PRKAG2: variants seen among roughly 807,000 people sequenced by gnomAD.
PRKAG2 encodes the protein protein kinase AMP-activated non-catalytic subunit gamma 2.
In PRKAG2, 26 loss-of-function variants were observed where a neutral mutation model predicts 69.6. That is an observed-to-expected ratio of 0.37 (90% confidence interval 0.27 to 0.52). The LOEUF is 0.52. Ranked by LOEUF, PRKAG2 falls within the 20% of genes least tolerant of loss-of-function variation. The pLI, the probability that PRKAG2 is intolerant of heterozygous loss-of-function variation, is 0.90. For missense variants in PRKAG2, 557 were observed against 740.0 expected, an observed-to-expected ratio of 0.75 and a Z score of 2.87; for synonymous variants, 293 against 285.0, an observed-to-expected ratio of 1.03 and a Z score of -0.28.
intron 1 of PRKAG2, among the ~76,000 whole-genome samples, chr7:151,805,412 C>A (rs1206692036): frequency 6.6e-6 from 1 of 152,104 alleles, no homozygotes; most frequent in Non-Finnish European, 1.5e-5. Flanking sequence ...ATAGGAGGAA[C>A]CCCCAGTGAG....
intron 3 of PRKAG2, among the ~76,000 whole-genome samples, chr7:151,772,740 C>T (rs115690059): frequency 0.014 from 2,134 of 151,956 alleles, 53 homozygotes; most frequent in African/African-American, 0.049. Context: ...AATCCCAGCA[C>T]TTTGGGAGGC....
At chr7:151,834,182 G>T (rs1359663471) in intron 1 of PRKAG2, among the ~76,000 whole-genome samples, 2 of 152,206 alleles carry the variant, frequency 1.3e-5, no homozygotes, top group African/African-American at 4.8e-5. Context: ...GAAAACTTAA[G>T]GACAAATTCA....
chr7:151,794,621 G>A (rs997269995), intron 1 of PRKAG2, among the ~76,000 whole-genome samples: 12 of 152,264 alleles, frequency 7.9e-5, no homozygotes, highest in African/African-American at 2.4e-4. Context: ...CGGCTCCCGC[G>A]GAAGCCAGGG....
chr7:151,834,743 C>A (rs763742366), intron 1 of PRKAG2, among the ~76,000 whole-genome samples: 2 of 152,186 alleles, frequency 1.3e-5, no homozygotes, highest in African/African-American at 2.4e-5. Flanking sequence ...AGGGCTACGG[C>A]GCAGTGCCGC....
At chr7:151,619,484 C>T (rs1016606474) in intron 5 of PRKAG2, among the ~76,000 whole-genome samples, 1 of 152,178 alleles carries the variant, frequency 6.6e-6, no homozygotes, top group Non-Finnish European at 1.5e-5. Flanking sequence ...AATACAGAGT[C>T]AGGAACGATG....
At chr7:151,561,934 A>G (rs1356614061) in intron 14 of PRKAG2, among the ~76,000 whole-genome samples, 1 of 128,424 alleles carries the variant, frequency 7.8e-6, no homozygotes, top group African/African-American at 2.9e-5. Flanking sequence ...CTGTGTCTTA[A>G]AAAAAAAAAA....
At chr7:151,774,150 C>G (rs1351582515) in intron 3 of PRKAG2, among the ~76,000 whole-genome samples, 1 of 152,098 alleles carries the variant, frequency 6.6e-6, no homozygotes, top group Non-Finnish European at 1.5e-5. Context: ...TCCATGGTGG[C>G]TAGGAGTATG....
At chr7:151,782,054 C>A (rs1257640320) in intron 2 of PRKAG2, among the ~76,000 whole-genome samples, 1 of 151,910 alleles carries the variant, frequency 6.6e-6, no homozygotes, top group Admixed American at 6.6e-5. Flanking sequence ...GGTGGATCAA[C>A]TGAGGTCAGG....
chr7:151,702,608 T>C (rs972191308), intron 3 of PRKAG2, among the ~76,000 whole-genome samples: 6 of 152,246 alleles, frequency 3.9e-5, no homozygotes, highest in African/African-American at 4.8e-5. Context: ...CTTTGAAGTT[T>C]CACACTCACC....
intron 4 of PRKAG2, among the ~76,000 whole-genome samples, chr7:151,647,249 G>C (rs1827724076): frequency 2.0e-5 from 3 of 152,194 alleles, no homozygotes; most frequent in Admixed American, 2.0e-4. Flanking sequence ...GCCTGCTTCT[G>C]TACCTGTATG....
chr7:151,802,810 C>G (rs566898124), intron 1 of PRKAG2, among the ~76,000 whole-genome samples: 2 of 150,880 alleles, frequency 1.3e-5, no homozygotes, highest in South Asian at 4.2e-4. Flanking sequence ...CAGCAGCCAC[C>G]TGACCTACAC....
intron 5 of PRKAG2, among the ~76,000 whole-genome samples, chr7:151,608,826 A>ATT (rs67353252): frequency 0.01 from 1,553 of 149,356 alleles, 30 homozygotes; most frequent in African/African-American, 0.032. Context: ...TTAGACATGG[A>ATT]TTTTTTTTTT....
chr7:151,749,106 C>T (rs2074496703), intron 3 of PRKAG2, among the ~76,000 whole-genome samples: 1 of 146,536 alleles, frequency 6.8e-6, no homozygotes, highest in Non-Finnish European at 1.5e-5. Context: ...GTGCTCACTG[C>T]AAAGCAGAAG....
intron 3 of PRKAG2, among the ~76,000 whole-genome samples, chr7:151,773,055 G>GA: frequency 6.1e-5 from 2 of 32,658 alleles, no homozygotes; most frequent in African/African-American, 3.0e-4. Flanking sequence ...GAGAGAGAGG[G>GA]AGGGAGGGAG....
intron 1 of PRKAG2, among the ~76,000 whole-genome samples, chr7:151,864,462 A>G (rs1227369645): frequency 6.6e-6 from 1 of 151,778 alleles, no homozygotes; most frequent in African/African-American, 2.4e-5. Flanking sequence ...CCACTTCCAC[A>G]CCTGGCAGGT....
chr7:151,736,314 C>A, intron 3 of PRKAG2: 2 of 1,181,204 alleles, frequency 1.7e-6, no homozygotes, highest in African/African-American at 1.5e-5. Flanking sequence ...CTGCCGGAAG[C>A]GCAAACAGAA....
intron 3 of PRKAG2, among the ~76,000 whole-genome samples, chr7:151,741,188 G>A (rs1433685410): frequency 6.6e-6 from 1 of 151,794 alleles, no homozygotes; most frequent in African/African-American, 2.4e-5. Flanking sequence ...ACATCAGCCT[G>A]GGCAACTGAG....
At chr7:151,742,081 G>C (rs1447189348) in intron 3 of PRKAG2, among the ~76,000 whole-genome samples, 2 of 152,174 alleles carry the variant, frequency 1.3e-5, no homozygotes, top group Non-Finnish European at 2.9e-5. Context: ...AGTTTGACCT[G>C]GATGGCACAG....
At chr7:151,822,622 A>T (rs1391440428) in intron 1 of PRKAG2, among the ~76,000 whole-genome samples, 1 of 152,178 alleles carries the variant, frequency 6.6e-6, no homozygotes, top group Non-Finnish European at 1.5e-5. Flanking sequence ...CCCGCTGCCC[A>T]GGCTTGGGCA....
Sources: allele counts gnomAD v4.1 joint callset (sites outside exome capture counted in the v4.1 genomes callset), GRCh38; gene constraint gnomAD v4.1.1; transcripts MANE v1.5; gene names NCBI Gene and HGNC (gene_info 2026-07-23, HGNC 2026-07-21).